TMEM63A: variants seen among roughly 807,000 people sequenced by gnomAD.
TMEM63A encodes transmembrane protein 63A.
TMEM63A carries 76 observed loss-of-function variants against 100.6 expected under a neutral mutation model. The observed-to-expected ratio is 0.76, with a 90% CI of 0.63 to 0.91. The LOEUF is 0.91. Among genes scored for constraint, TMEM63A ranks in the 40% least tolerant of loss-of-function variants. The pLI, the probability that TMEM63A is intolerant of heterozygous loss-of-function variation, is 0.00. For synonymous variants in TMEM63A, 401 were observed against 401.1 expected (o/e 1.00, Z 0.00); for missense variants, 876 against 1,008.8 (o/e 0.87, Z 1.78).
At chr1:225,847,008 T>C (rs760082657) in intron 24 of TMEM63A, 26 bp downstream of exon 24, 9 of 1,588,322 alleles carry the variant, frequency 5.7e-6, no homozygotes, top group Non-Finnish European at 7.7e-6. Flanking sequence ...CAGGCTCCCC[T>C]GAGCCTGGCC....
Position 225,867,284 on chromosome 1 carries a change from A to G in TMEM63A, c.515-121T>C, listed in dbSNP as rs900370281. 7.1e-6 allele frequency: 7 copies of G among 981,270 alleles called. No homozygotes were observed. Among genetic ancestry groups the G allele is most frequent in the Non-Finnish European group, 9.8e-6 (6 of 610,160 alleles). 60.8% of individuals were successfully genotyped at this position (981,270 alleles called of 1,614,324 possible). A position where few individuals can be genotyped will look rare whatever the true frequency, so the allele number is the denominator to read the frequency against. On this transcript the variant is annotated intron_variant, in intron 7 of 24. Coordinates refer to ENST00000366835, the MANE Select transcript of TMEM63A (RefSeq NM_014698.3). The surrounding 1 kb of genome is among the most constrained non-coding windows in gnomAD (Gnocchi z 4.6). ...GGAGCATGTCTGGACCAGCAGGAAG[A>G]CAACGTCTGACTGGTCTTTCCAGAG...
chr1:225,843,654 C>G (rs943587873), downstream of TMEM63A, among the ~76,000 whole-genome samples: 2 of 152,136 alleles, frequency 1.3e-5, no homozygotes, highest in African/African-American at 2.4e-5. Context: ...ACAGGGAGCA[C>G]CAAATCCCTG....
intron 1 of TMEM63A, among the ~76,000 whole-genome samples, chr1:225,879,901 C>T (rs530529127): frequency 6.6e-6 from 1 of 152,322 alleles, no homozygotes; most frequent in South Asian, 2.1e-4. Context: ...AAAACATCCC[C>T]ATAAAATGCT....
chr1:225,856,165 C>G (rs771638304), intron 17 of TMEM63A, among the ~76,000 whole-genome samples: 10 of 151,996 alleles, frequency 6.6e-5, no homozygotes, highest in Non-Finnish European at 1.3e-4. Context: ...AGTGGAAGGT[C>G]CTTGATAAGT....
rs73127796 is a variant in TMEM63A at position 225,875,882 on chromosome 1, G to T, written c.186+1513C>A. Reference sequence around the variant, plus strand: ...AGTTTGAGACCAGCCTAGGCAACATGGTGTGAAATCCCATCTCTACCAAAA... The same window carrying T: ...AGTTTGAGACCAGCCTAGGCAACATTGTGTGAAATCCCATCTCTACCAAAA... On this transcript the variant is annotated intron_variant, in intron 3 of 24. Coordinates refer to ENST00000366835, the MANE Select transcript of TMEM63A (RefSeq NM_014698.3). 5.1e-3 allele frequency among the ~76,000 whole-genome samples: 777 copies of T among 151,742 alleles called. 10 individuals carry two copies. Among genetic ancestry groups the T allele is most frequent in the African/African-American group, 0.018 (733 of 41,364 alleles).
intron 3 of TMEM63A, among the ~76,000 whole-genome samples, chr1:225,876,063 C>CAAAAAAAAAAAAAAA (rs532420561): frequency 3.0e-5 from 1 of 32,896 alleles, no homozygotes; most frequent in East Asian, 1.3e-3. Context: ...GACCTTGTCT[C>CAAAAAAAAAAAAAAA]AAAAAAAAAA....
At chr1:225,877,787 T>G in intron 2 of TMEM63A, 193 bp from the exon 3 acceptor site, 1 of 543,630 alleles carries the variant, frequency 1.8e-6, no homozygotes, top group Non-Finnish European at 3.3e-6. Flanking sequence ...AATGGCTGCA[T>G]TGTGGGACAA....
intron 18 of TMEM63A, among the ~76,000 whole-genome samples, chr1:225,855,318 AGT>A (rs1477602009): frequency 6.6e-6 from 1 of 152,236 alleles, no homozygotes; most frequent in African/African-American, 2.4e-5. Context: ...AGAGAATAAT[AGT>A]ATCTTCCTCA....
intron 2 of TMEM63A, among the ~76,000 whole-genome samples, chr1:225,878,344 C>T (rs1454504133): frequency 1.3e-5 from 2 of 152,110 alleles, no homozygotes; most frequent in African/African-American, 2.4e-5. Flanking sequence ...AGGGTAGGGA[C>T]GGGGAGGGAG....
At chr1:225,861,601 G>C (rs1422788841) in intron 13 of TMEM63A, 1 of 155,818 alleles carries the variant, frequency 6.4e-6, no homozygotes, top group African/African-American at 2.4e-5. Flanking sequence ...GTGTCACAAT[G>C]CCTGGGGCAG....
intron 6 of TMEM63A, among the ~76,000 whole-genome samples, 171 bp downstream of exon 6, chr1:225,870,905 G>C (rs1670477650): frequency 6.6e-6 from 1 of 152,188 alleles, no homozygotes; most frequent in African/African-American, 2.4e-5. Flanking sequence ...CCCAGGGGCT[G>C]CCTGGTCACC....
At position 225,851,296 on chromosome 1, in the gene TMEM63A, G is replaced by C. The variant is rs182874583; in HGVS notation, c.1904-1217C>G. Among the ~76,000 whole-genome samples the C allele has an allele frequency of 1.3e-4, 20 of 152,350 alleles. 1 individual carries two copies. The highest frequency in any genetic ancestry group is 4.1e-4 in the South Asian group (2 of 4,828). On this transcript the variant is annotated intron_variant, in intron 20 of 24. Transcript: ENST00000366835. Reference sequence around the variant, plus strand: ...GAGGCCCAAGGGTCTTACCCCAGGGGTGGCACAGGAGCACACAGGGGACCA... The same window carrying C: ...GAGGCCCAAGGGTCTTACCCCAGGGCTGGCACAGGAGCACACAGGGGACCA...
rs187107745 is a variant in TMEM63A at position 225,862,634 on chromosome 1, C to A, written c.828-56G>T. 1 of 1,601,196 alleles carries A rather than the reference C, an allele frequency of 6.2e-7. No individual in the cohort carries two copies. Among genetic ancestry groups the A allele is most frequent in the Non-Finnish European group, 8.5e-7 (1 of 1,172,026 alleles). On this transcript the variant is annotated intron_variant, in intron 11 of 24. Coordinates refer to ENST00000366835, the MANE Select transcript of TMEM63A (RefSeq NM_014698.3). The surrounding 1 kb of genome is among the most constrained non-coding windows in gnomAD (Gnocchi z 5.1). ...CAGATTTAGAATCCTGTGGCAGGGA[C>A]CCCCATACCCACAGTTCAACCATCG...
intron 1 of TMEM63A, among the ~76,000 whole-genome samples, chr1:225,881,447 A>T (rs1671084129): frequency 6.6e-6 from 1 of 152,216 alleles, no homozygotes; most frequent in Non-Finnish European, 1.5e-5. Context: ...TGGGAAACAC[A>T]AGGGCAGGAT....
chr1:225,881,261 T>A (rs976712488), intron 1 of TMEM63A, among the ~76,000 whole-genome samples: 1 of 152,224 alleles, frequency 6.6e-6, no homozygotes, highest in African/African-American at 2.4e-5. Flanking sequence ...ACAAGCAGCC[T>A]AACCACTCTG....
In TMEM63A at chr1:225,862,887, T is replaced by C. The variant is rs768943072; in HGVS notation, c.747-36A>G. 5.6e-6 allele frequency: 9 copies of C among 1,604,002 alleles called. No individual in the cohort carries two copies. The highest frequency in any genetic ancestry group is 1.3e-5 in the African/African-American group (1 of 74,448). Reference sequence around the variant, plus strand: ...GGAGAGAAGGAGGCAAAAGACACCGTTGGAAAAGAAAACACCCCAAGCAGG... The same window carrying C: ...GGAGAGAAGGAGGCAAAAGACACCGCTGGAAAAGAAAACACCCCAAGCAGG... On this transcript the variant is annotated intron_variant, in intron 10 of 24. Coordinates refer to ENST00000366835, the MANE Select transcript of TMEM63A (RefSeq NM_014698.3). This position sits in a 1 kb window ranked among gnomAD's most constrained non-coding sequence, Gnocchi z 5.1.
chr1:225,842,026 A>T (rs777792387), downstream of TMEM63A, among the ~76,000 whole-genome samples: 1 of 152,242 alleles, frequency 6.6e-6, no homozygotes, highest in Non-Finnish European at 1.5e-5. Context: ...CAGAGCACAT[A>T]GACTGAAAAA....
chr1:225,844,367 C>T, downstream of TMEM63A: 1 of 1,405,298 alleles, frequency 7.1e-7, no homozygotes, highest in South Asian at 1.2e-5. Context: ...GAGGATACCA[C>T]ACACGTTGCA....
downstream of TMEM63A, among the ~76,000 whole-genome samples, chr1:225,841,883 C>T (rs1294899380): frequency 6.6e-5 from 10 of 152,174 alleles, no homozygotes; most frequent in African/African-American, 1.9e-4. Context: ...GGATTACAGG[C>T]ATGAGCCAAT....
Sources: gnomAD v4.1 joint callset for allele counts (sites outside exome capture counted in the v4.1 genomes callset) on GRCh38, gnomAD v4.1.1 for gene constraint, Gnocchi (gnomAD v3.1) non-coding constraint, MANE v1.5 for transcripts, NCBI Gene and HGNC (gene_info 2026-07-23, HGNC 2026-07-21) for gene names.